The following DRC1 variants were observed in gnomAD, a reference collection of about 807,000 sequenced individuals.
DRC1 encodes the protein dynein regulatory complex subunit 1.
Under a neutral mutation model 98.7 loss-of-function variants are expected in DRC1, and 74 were observed. The observed-to-expected ratio is 0.75, with a 90% confidence interval of 0.62 to 0.91. DRC1 has a LOEUF of 0.91. DRC1 is among the 40% of genes least tolerant of loss of function. The pLI is 0.00. For missense variants in DRC1, 875 were observed against 886.0 expected (o/e 0.99, Z 0.16); for synonymous variants, 336 against 334.1 (o/e 1.01, Z -0.06).
chr2:26,434,944 TG>T (rs975640939), intron 7 of DRC1, among the ~76,000 whole-genome samples: 1 of 148,704 alleles, frequency 6.7e-6, no homozygotes, highest in African/African-American at 2.5e-5. Flanking sequence ...GAGAAAGAGA[TG>T]GGGCAGAAAG....
intron 11 of DRC1, among the ~76,000 whole-genome samples, chr2:26,449,663 T>G (rs944736308): frequency 6.6e-6 from 1 of 152,234 alleles, no homozygotes; most frequent in African/African-American, 2.4e-5. Flanking sequence ...AGCCTGTGAC[T>G]GGGTCAGCTT....
rs1285553779 is a variant in DRC1 at position 26,418,575 on chromosome 2, T to TATATATAAATTATATATAATTTATATA, written c.244-2692_244-2666dup. 4.7e-4 allele frequency among the ~76,000 whole-genome samples: 45 copies of TATATATAAATTATATATAATTTATATA among 95,890 alleles called. 1 individual carries two copies. The East Asian group carries it at 6.5e-3, about 14-fold the overall frequency. 62.9% of individuals were successfully genotyped at this position (95,890 alleles called of 152,430 possible). A position where few individuals can be genotyped will look rare whatever the true frequency, so the allele number is the denominator to read the frequency against. On this transcript the variant is annotated intron_variant, in intron 2 of 16. Transcript: ENST00000288710. ...TATATAATTTATATATAATATATAT[T>TATATATAAATTATATATAATTTATATA]ATATATAAATTATATATAATTTATA...
intron 13 of DRC1, among the ~76,000 whole-genome samples, chr2:26,452,080 T>A (rs953451615): frequency 2.5e-5 from 3 of 119,078 alleles, no homozygotes; most frequent in African/African-American, 8.5e-5. Flanking sequence ...TTTGCCAACC[T>A]GTTATGTTGG....
chr2:26,407,013 T>TA (rs1423440211), intron 1 of DRC1, among the ~76,000 whole-genome samples: 1 of 151,338 alleles, frequency 6.6e-6, no homozygotes. Context: ...AGAGATGGGG[T>TA]TTCACCATGT....
chr2:26,421,295 C>A lies in DRC1; in HGVS notation c.251C>A (p.Ala84Asp). 6.2e-7 allele frequency: 1 copy of A among 1,612,702 alleles called. No individual in the cohort carries two copies. Among genetic ancestry groups the A allele is most frequent in the Non-Finnish European group, 8.5e-7 (1 of 1,179,312 alleles). Reference sequence around the variant, plus strand: ...TTATATCTCTCTTTTTAGAAATTGGCTAAACTTCTGCTCTGTGGCACCGAG... The same window carrying A: ...TTATATCTCTCTTTTTAGAAATTGGATAAACTTCTGCTCTGTGGCACCGAG... ...KQKEESRLKL[A>D]KLLLCGTELV... is the part of the protein sequence containing the mutation. The change falls in exon 3 of 17, where the codon GCT becomes GAT. Residue 84 changes from alanine (A) to aspartate (D), a missense_variant. Ala to Asp is a moderately radical substitution (Grantham distance 126). Transcript: ENST00000288710.
intron 1 of DRC1, among the ~76,000 whole-genome samples, chr2:26,405,589 T>C (rs1678390072): frequency 6.6e-6 from 1 of 151,650 alleles, no homozygotes; most frequent in Non-Finnish European, 1.5e-5. Flanking sequence ...TTCAATTATA[T>C]TAAGGAACTT....
chr2:26,412,772 T>TTTTTG (rs1478914813), intron 1 of DRC1, among the ~76,000 whole-genome samples: 1 of 152,108 alleles, frequency 6.6e-6, no homozygotes, highest in East Asian at 1.9e-4. Context: ...TATAAGCCTG[T>TTTTTG]TTTTTGTTTT....
chr2:26,423,714 A>T (rs1388727955), intron 3 of DRC1, among the ~76,000 whole-genome samples: 1 of 152,224 alleles, frequency 6.6e-6, no homozygotes, highest in Non-Finnish European at 1.5e-5. Context: ...TTTAAGCACC[A>T]TGTGTTAAGT....
intron 7 of DRC1, among the ~76,000 whole-genome samples, chr2:26,439,973 A>G (rs1663675113): frequency 6.9e-6 from 1 of 144,620 alleles, no homozygotes; most frequent in Non-Finnish European, 1.5e-5. Flanking sequence ...ATATATATAT[A>G]CACACATATA....
intron 14 of DRC1, among the ~76,000 whole-genome samples, chr2:26,453,878 G>C (rs750036372): frequency 2.2e-4 from 34 of 152,232 alleles, no homozygotes; most frequent in Non-Finnish European, 2.2e-4. Context: ...TTCAGAGGAG[G>C]AAGTGGCCGT....
intron 9 of DRC1, 113 bp from the exon 10 acceptor site, chr2:26,444,603 C>G: frequency 1.8e-6 from 2 of 1,136,176 alleles, no homozygotes; most frequent in Non-Finnish European, 2.5e-6. Context: ...GGGATGGGGC[C>G]AGGCCCAGGA....
In DRC1 at chr2:26,401,925, T is replaced by C; in HGVS notation, c.-65T>C. On this transcript the variant is annotated 5_prime_UTR_variant, in exon 1 of 17. Transcript: ENST00000288710. Reference sequence around the variant, plus strand: ...GCTCTCCCTGGCAACGGTTTGTTCCTAGCAACCAGCCTGAGGTCTGGAGGT... The same window carrying C: ...GCTCTCCCTGGCAACGGTTTGTTCCCAGCAACCAGCCTGAGGTCTGGAGGT... The C allele has an allele frequency of 6.6e-7, 1 of 1,517,184 alleles. No homozygotes were observed. The highest frequency in any genetic ancestry group is 8.9e-7 in the Non-Finnish European group (1 of 1,128,346). The allele number at this position is 1,517,184 out of a possible 1,614,324, so 94.0% of individuals were successfully genotyped here.
intron 14 of DRC1, 83 bp downstream of exon 14, chr2:26,453,632 TGGA>T: frequency 7.3e-7 from 1 of 1,374,720 alleles, no homozygotes; most frequent in Non-Finnish European, 1.0e-6. Context: ...AGCCAGTGAG[TGGA>T]GAAGAGTCTG....
In DRC1 at chr2:26,455,249, T is replaced by TA. The variant is rs546596010; in HGVS notation, c.2166+16_2166+17insA. The TA allele has an allele frequency of 2.6e-3, 4,196 of 1,608,922 alleles. 12 individuals carry two copies. The highest frequency in any genetic ancestry group is 5.0e-3 in the Middle Eastern group (26 of 5,154). On this transcript the variant is annotated intron_variant, in intron 16 of 16. Transcript: ENST00000288710. ...GAACTCCAAGGTGGGCGGCGGGGCCTTCCAAGGAGGGGCAGCGGGAGACAC... is the reference window on the plus strand; with the variant it reads ...GAACTCCAAGGTGGGCGGCGGGGCCTATCCAAGGAGGGGCAGCGGGAGACAC...
At chr2:26,413,064 G>A (rs1678671791) in intron 1 of DRC1, among the ~76,000 whole-genome samples, 1 of 152,228 alleles carries the variant, frequency 6.6e-6, no homozygotes, top group African/African-American at 2.4e-5. Context: ...TTACAAGCGT[G>A]AGCCATCGCG....
intron 4 of DRC1, 104 bp from the exon 5 acceptor site, chr2:26,429,524 G>A: frequency 6.9e-7 from 1 of 1,454,370 alleles, no homozygotes; most frequent in Non-Finnish European, 9.3e-7. Flanking sequence ...ACAGTTTCAT[G>A]TCCTAACATT....
intron 7 of DRC1, among the ~76,000 whole-genome samples, chr2:26,438,062 AG>A (rs1435260418): frequency 6.9e-6 from 1 of 144,564 alleles, no homozygotes; most frequent in East Asian, 2.0e-4. Context: ...ACTGCACTCC[AG>A]CCTGGGCGAG....
In DRC1 at chr2:26,444,308, A is replaced by T; in HGVS notation, c.1115A>T (p.Asp372Val). 6.2e-7 allele frequency: 1 copy of T among 1,614,226 alleles called. No individual in the cohort carries two copies. Among genetic ancestry groups the T allele is most frequent in the Non-Finnish European group, 8.5e-7 (1 of 1,180,042 alleles). ...FQEENQSLTS[D>V]YKRLVMQFKE... ...GAGGAGAACCAGTCTCTAACCTCGGACTACAAACGTCTTGTGATGCAATTC... is the reference window on the plus strand; with the variant it reads ...GAGGAGAACCAGTCTCTAACCTCGGTCTACAAACGTCTTGTGATGCAATTC... The change falls in exon 9 of 17, where the codon GAC (aspartate) becomes GTC (valine). Residue 372 changes from aspartate (D) to valine (V), a missense_variant. By Grantham distance (152) the Asp-to-Val change is radical. Transcript: ENST00000288710.
chr2:26,453,032 CA>C (rs1436936976), intron 13 of DRC1, among the ~76,000 whole-genome samples: 1 of 152,120 alleles, frequency 6.6e-6, no homozygotes, highest in Non-Finnish European at 1.5e-5. Context: ...TATTATGATT[CA>C]AAAGAAGATT....
Sources: gnomAD v4.1 joint callset for allele counts (sites outside exome capture counted in the v4.1 genomes callset) on GRCh38, gnomAD v4.1.1 for gene constraint, MANE v1.5 for transcripts, NCBI Gene and HGNC (gene_info 2026-07-23, HGNC 2026-07-21) for gene names.